PCCA: variants seen among roughly 807,000 people sequenced by gnomAD.
The protein encoded by PCCA is propionyl-CoA carboxylase subunit alpha.
PCCA carries 74 observed loss-of-function variants against 101.3 expected under a neutral mutation model. The observed-to-expected ratio is 0.73, with a 90% CI of 0.61 to 0.89. The LOEUF (loss-of-function observed/expected upper bound fraction) is 0.89, where lower values mean the gene tolerates loss of function less well. PCCA is among the 40% of genes least tolerant of loss of function. The pLI is 0.00. For synonymous variants in PCCA, 294 were observed against 313.6 expected (o/e 0.94, Z 0.66); for missense variants, 891 against 907.0 (o/e 0.98, Z 0.23).
chr13:100,301,993 T>A (rs1317179073), intron 13 of PCCA, among the ~76,000 whole-genome samples: 1 of 152,192 alleles, frequency 6.6e-6, no homozygotes, highest in Non-Finnish European at 1.5e-5. Flanking sequence ...CCACCTTGGG[T>A]ACACATTAGT....
At chr13:100,256,898 AAT>A (rs1421295637) in intron 8 of PCCA, among the ~76,000 whole-genome samples, 3 of 152,220 alleles carry the variant, frequency 2.0e-5, no homozygotes, top group African/African-American at 7.2e-5. Flanking sequence ...ATAATAACTA[AAT>A]ACTTAATCAT....
chr13:100,283,139 G>A (rs1202520939), intron 12 of PCCA, among the ~76,000 whole-genome samples: 1 of 152,136 alleles, frequency 6.6e-6, no homozygotes, highest in Non-Finnish European at 1.5e-5. Flanking sequence ...CTTCGACCTC[G>A]CTTGGAGAGA....
chr13:100,493,097 G>A (rs1411343182), intron 21 of PCCA, among the ~76,000 whole-genome samples: 1 of 152,232 alleles, frequency 6.6e-6, no homozygotes, highest in African/African-American at 2.4e-5. Context: ...TTCTAAAAGA[G>A]CATTAATTGT....
intron 12 of PCCA, among the ~76,000 whole-genome samples, chr13:100,300,816 A>G (rs945560686): frequency 6.6e-6 from 1 of 152,270 alleles, no homozygotes; most frequent in Non-Finnish European, 1.5e-5. Context: ...GCATGACAGC[A>G]TCAGCCCAAG....
chr13:100,270,787 T>C (rs2063260915), intron 11 of PCCA, among the ~76,000 whole-genome samples: 1 of 152,102 alleles, frequency 6.6e-6, no homozygotes, highest in Admixed American at 6.5e-5. Context: ...GGTGGGAGGA[T>C]TGCTTGAGCC....
chr13:100,097,122 A>G (rs931833510), intron 1 of PCCA, among the ~76,000 whole-genome samples: 1 of 152,214 alleles, frequency 6.6e-6, no homozygotes, highest in Non-Finnish European at 1.5e-5. Flanking sequence ...GGAAGGAATT[A>G]AGAGTGACTT....
At chr13:100,462,486 G>T (rs80061285) in intron 21 of PCCA, among the ~76,000 whole-genome samples, 3 of 152,100 alleles carry the variant, frequency 2.0e-5, no homozygotes, top group Admixed American at 6.6e-5. Context: ...CATGGTATCA[G>T]TGCTGAGATG....
At chr13:100,251,809 A>G (rs2061769032) in intron 8 of PCCA, among the ~76,000 whole-genome samples, 1 of 152,260 alleles carries the variant, frequency 6.6e-6, no homozygotes, top group Non-Finnish European at 1.5e-5. Flanking sequence ...TACAATATCA[A>G]CTATGTTGTA....
chr13:100,210,979 C>T (rs914455853), intron 7 of PCCA, among the ~76,000 whole-genome samples: 19 of 152,204 alleles, frequency 1.2e-4, no homozygotes, highest in Admixed American at 7.9e-4. Flanking sequence ...CCTCCTCCTA[C>T]GCTCCAAATG....
chr13:100,268,976 C>T (rs190804025), intron 11 of PCCA, among the ~76,000 whole-genome samples, 193 bp downstream of exon 11: 55 of 152,210 alleles, frequency 3.6e-4, no homozygotes, highest in Admixed American at 2.2e-3. Context: ...CAGCCTCCCA[C>T]GTAGCCGGGA....
chr13:100,301,641 T>C, intron 13 of PCCA, 38 bp downstream of exon 13: 3 of 1,612,804 alleles, frequency 1.9e-6, no homozygotes, highest in Non-Finnish European at 2.5e-6. Context: ...ATGGTGGTTA[T>C]GTCCAGAGTC....
rs542006489 is a variant in PCCA at position 100,114,787 on chromosome 13, C to T, written c.300+2726C>T. On this transcript the variant is annotated intron_variant, in intron 4 of 23. Transcript: ENST00000376285. ...ATCCAAAAGACATAACGAGTACTGG[C>T]GAGGATGTAGAGAAAGAACCCTCAT... Among the ~76,000 whole-genome samples the T allele has an allele frequency of 1.6e-3, 241 of 152,160 alleles. 1 individual carries two copies. The highest frequency in any genetic ancestry group is 5.4e-3 in the African/African-American group (226 of 41,514).
At position 100,257,551 on chromosome 13, in the gene PCCA, A is replaced by G. The variant is rs760154708; in HGVS notation, c.638-44A>G. 28 of 1,327,660 alleles carry G rather than the reference A, an allele frequency of 2.1e-5. No individual in the cohort carries two copies. The highest frequency in any genetic ancestry group is 8.6e-5 in the African/African-American group (6 of 69,472). 82.2% of individuals were successfully genotyped at this position (1,327,660 alleles called of 1,614,324 possible). A position where few individuals can be genotyped will look rare whatever the true frequency, so the allele number is the denominator to read the frequency against. On this transcript the variant is annotated intron_variant, in intron 8 of 23. Coordinates refer to ENST00000376285, the MANE Select transcript of PCCA (RefSeq NM_000282.4). The stretch of plus-strand genomic sequence containing the variant: ...TCAATTGTCATGTTCATACATCCCA[A>G]TGATCAAAGTCTGAACTTCTGTCTA...
At chr13:100,150,598 C>A in intron 4 of PCCA, 1 of 1,191,218 alleles carries the variant, frequency 8.4e-7, no homozygotes, top group South Asian at 1.2e-5. Flanking sequence ...TTTTGGCCTG[C>A]AGATGTCAGC....
In PCCA at chr13:100,280,617, C is replaced by T. The variant is rs897103165; in HGVS notation, c.1065+7271C>T. ...GACAGCTAGATGGAGAACTACTCTACGGACACTAGGATTTTGTTAAAATGC... is the reference window on the plus strand; with the variant it reads ...GACAGCTAGATGGAGAACTACTCTATGGACACTAGGATTTTGTTAAAATGC... On this transcript the variant is annotated intron_variant, in intron 12 of 23. Coordinates refer to ENST00000376285, the MANE Select transcript of PCCA (RefSeq NM_000282.4). Among the ~76,000 whole-genome samples the T allele has an allele frequency of 7.2e-5, 11 of 152,142 alleles. No individual in the cohort carries two copies. The South Asian group carries it at 8.3e-4, about 11-fold the overall frequency.
chr13:100,296,757 A>C (rs1034017139), intron 12 of PCCA, among the ~76,000 whole-genome samples: 4 of 152,186 alleles, frequency 2.6e-5, no homozygotes, highest in African/African-American at 9.6e-5. Flanking sequence ...TACTTCCTAA[A>C]AACAAGTAAA....
chr13:100,274,169 G>C (rs1190394572), intron 12 of PCCA, among the ~76,000 whole-genome samples: 1 of 152,080 alleles, frequency 6.6e-6, no homozygotes, highest in Admixed American at 6.5e-5. Flanking sequence ...AGAACCTTCA[G>C]TTTTCATATC....
At chr13:100,233,856 G>T (rs1308061479) in intron 7 of PCCA, among the ~76,000 whole-genome samples, 1 of 152,206 alleles carries the variant, frequency 6.6e-6, no homozygotes, top group Non-Finnish European at 1.5e-5. Flanking sequence ...AGAAGTGTTG[G>T]ATTTGTGGCA....
At chr13:100,346,577 T>G (rs2072259695) in intron 18 of PCCA, among the ~76,000 whole-genome samples, 1 of 152,210 alleles carries the variant, frequency 6.6e-6, no homozygotes, top group African/African-American at 2.4e-5. Flanking sequence ...TTTTAGAATA[T>G]TACATTAACT....
Sources: gnomAD v4.1 joint callset for allele counts (sites outside exome capture counted in the v4.1 genomes callset) on GRCh38, gnomAD v4.1.1 for gene constraint, MANE v1.5 for transcripts, NCBI Gene and HGNC (gene_info 2026-07-23, HGNC 2026-07-21) for gene names.